Variants in NELL1 observed in about 807,000 individuals in gnomAD.
The protein encoded by NELL1 is neural EGFL like 1, also known as protein kinase C-binding protein NELL1.
Under a neutral mutation model 107.4 loss-of-function variants are expected in NELL1, and 76 were observed. That is an observed-to-expected ratio of 0.71 (90% CI 0.59 to 0.86). NELL1 has a LOEUF of 0.86. Ranked by LOEUF, NELL1 falls within the 40% of genes least tolerant of loss-of-function variation. NELL1 has a pLI of 0.00. For synonymous variants in NELL1, 353 were observed against 341.2 expected (o/e 1.03, Z -0.38); for missense variants, 1,024 against 1,005.5 (o/e 1.02, Z -0.25).
At chr11:21,457,645 AT>A (rs1474238864) in intron 15 of NELL1, among the ~76,000 whole-genome samples, 2 of 152,120 alleles carry the variant, frequency 1.3e-5, no homozygotes, top group African/African-American at 4.8e-5. Flanking sequence ...TCCAGTGGAC[AT>A]TTTACATAAT....
chr11:21,316,259 G>A (rs1849879072), intron 14 of NELL1, among the ~76,000 whole-genome samples: 1 of 152,014 alleles, frequency 6.6e-6, no homozygotes, highest in Admixed American at 6.6e-5. Flanking sequence ...GTCAAGTTAT[G>A]ACTTTTATTT....
chr11:20,779,221 T>C (rs1199736841), intron 2 of NELL1, among the ~76,000 whole-genome samples: 2 of 152,160 alleles, frequency 1.3e-5, no homozygotes, highest in East Asian at 3.9e-4. Context: ...TGGATGTCAA[T>C]GATGGGTGTT....
At chr11:21,369,529 G>T (rs1185883868) in intron 14 of NELL1, among the ~76,000 whole-genome samples, 1 of 148,314 alleles carries the variant, frequency 6.7e-6, no homozygotes, top group Admixed American at 6.7e-5. Flanking sequence ...ATTAAATAAT[G>T]TGGAAAACAA....
intron 13 of NELL1, among the ~76,000 whole-genome samples, chr11:21,189,331 A>G (rs900775320): frequency 2.6e-5 from 4 of 151,800 alleles, no homozygotes; most frequent in Non-Finnish European, 5.9e-5. Context: ...TAAAGTTTGG[A>G]ACATTATTGT....
At chr11:21,174,851 A>G (rs527903731) in intron 13 of NELL1, among the ~76,000 whole-genome samples, 1 of 151,884 alleles carries the variant, frequency 6.6e-6, no homozygotes, top group South Asian at 2.1e-4. Context: ...TTCCCTCTCC[A>G]TAACTGAAAT....
rs144243597 is a variant in NELL1, at chr11:20,763,336, G to C, written c.185-20344G>C. On this transcript the variant is annotated intron_variant, in intron 2 of 19. Coordinates refer to ENST00000357134, the MANE Select transcript of NELL1 (RefSeq NM_006157.5). ...CCTACCCTGGCACTCAGGCATGGAG[G>C]AAAGTGAGAGCGACATTTTCAAAAC... Among the ~76,000 whole-genome samples the C allele has an allele frequency of 1.1e-3, 170 of 152,290 alleles. 5 individuals are homozygous for C. The East Asian group carries it at 0.024, about 22-fold the overall frequency.
intron 15 of NELL1, among the ~76,000 whole-genome samples, chr11:21,435,481 CGTTTTTTGTTTTTT>C (rs1214984661): frequency 7.5e-6 from 1 of 132,570 alleles, no homozygotes; most frequent in Non-Finnish European, 1.6e-5. Flanking sequence ...TAGCTTTTAT[CGTTTTTTGTTTTTT>C]GTTTTTTGTT....
chr11:20,908,067 G>C (rs1459481104), intron 5 of NELL1, among the ~76,000 whole-genome samples: 1 of 152,178 alleles, frequency 6.6e-6, no homozygotes, highest in African/African-American at 2.4e-5. Flanking sequence ...TCCTGGTGAG[G>C]CTGTGGAGAA....
chr11:20,936,510 C>T (rs1473737708), intron 9 of NELL1, among the ~76,000 whole-genome samples: 1 of 152,194 alleles, frequency 6.6e-6, no homozygotes, highest in Non-Finnish European at 1.5e-5. Flanking sequence ...GGAATGAAAG[C>T]CCCATTTCTC....
chr11:21,404,663 A>G (rs369181616), intron 15 of NELL1, among the ~76,000 whole-genome samples: 2 of 152,048 alleles, frequency 1.3e-5, no homozygotes, highest in Admixed American at 6.6e-5. Flanking sequence ...TAATAATCCC[A>G]TGTAACATAG....
At chr11:20,833,289 CATTATT>C (rs113832089) in intron 3 of NELL1, among the ~76,000 whole-genome samples, 20,902 of 151,260 alleles carry the variant, frequency 0.14, 1,931 homozygotes, top group East Asian at 0.32. Flanking sequence ...AAATGTTAGC[CATTATT>C]ATTATTATTA....
intron 12 of NELL1, among the ~76,000 whole-genome samples, chr11:21,101,355 G>C (rs1854806566): frequency 6.6e-6 from 1 of 152,192 alleles, no homozygotes; most frequent in African/African-American, 2.4e-5. Flanking sequence ...TATATACCCA[G>C]TAATGGGATG....
intron 5 of NELL1, among the ~76,000 whole-genome samples, chr11:20,891,592 A>C (rs1397283268): frequency 6.6e-6 from 1 of 152,186 alleles, no homozygotes; most frequent in Non-Finnish European, 1.5e-5. Context: ...GTCAAGACCA[A>C]TCGGTATGCT....
chr11:20,780,930 A>T (rs1314617759), intron 2 of NELL1, among the ~76,000 whole-genome samples: 1 of 152,240 alleles, frequency 6.6e-6, no homozygotes, highest in Non-Finnish European at 1.5e-5. Flanking sequence ...CTTTGCAGGC[A>T]TGCTGAAGGG....
intron 12 of NELL1, among the ~76,000 whole-genome samples, chr11:21,072,841 C>T (rs1197561144): frequency 3.9e-5 from 6 of 152,120 alleles, no homozygotes; most frequent in African/African-American, 9.7e-5. Flanking sequence ...GTTGATTATT[C>T]AGAATATGTG....
chr11:21,104,151 G>A (rs1397227315), intron 12 of NELL1, among the ~76,000 whole-genome samples: 2 of 152,122 alleles, frequency 1.3e-5, no homozygotes, highest in Non-Finnish European at 2.9e-5. Flanking sequence ...GCACTCACTG[G>A]GTTTGTTGGT....
intron 12 of NELL1, among the ~76,000 whole-genome samples, chr11:21,043,912 T>C (rs530309212): frequency 3.5e-4 from 54 of 152,266 alleles, no homozygotes; most frequent in Admixed American, 1.8e-3. Flanking sequence ...ATTTGGACCA[T>C]GTTCTTTTTC....
intron 2 of NELL1, chr11:20,770,771 G>C (rs2133968109): frequency 6.6e-6 from 1 of 152,318 alleles, no homozygotes; most frequent in Non-Finnish European, 1.5e-5. Context: ...CCAGCTGGGA[G>C]GGTGGGGTGG....
chr11:21,526,484 CAGT>C (rs1205662754), intron 15 of NELL1, among the ~76,000 whole-genome samples: 1 of 152,204 alleles, frequency 6.6e-6, no homozygotes, highest in African/African-American at 2.4e-5. Context: ...CTCTACTAGG[CAGT>C]ACCTCAGTGG....
Sources: allele counts gnomAD v4.1 joint callset (sites outside exome capture counted in the v4.1 genomes callset), GRCh38; gene constraint gnomAD v4.1.1; transcripts MANE v1.5; gene names NCBI Gene and HGNC (gene_info 2026-07-23, HGNC 2026-07-21).